The following MPRIP variants were observed in gnomAD, a reference collection of about 807,000 sequenced individuals.
The protein encoded by MPRIP is myosin phosphatase Rho interacting protein, also known as myosin phosphatase Rho-interacting protein.
MPRIP carries 59 observed loss-of-function variants against 234.9 expected under a neutral mutation model. That is an observed-to-expected ratio of 0.25 (90% CI 0.20 to 0.31). The LOEUF is 0.31. Ranked by LOEUF, MPRIP falls within the 10% of genes least tolerant of loss-of-function variation. The probability of loss-of-function intolerance (pLI) is 1.00; values close to 1 mark genes in which losing one functional copy is unlikely to be tolerated. For synonymous variants in MPRIP, 1,144 were observed against 1,263.9 expected (o/e 0.91, Z 2.01); for missense variants, 2,436 against 3,071.0 (o/e 0.79, Z 4.89).
chr17:17,176,695 G>A (rs2046262323), intron 21 of MPRIP, among the ~76,000 whole-genome samples, 183 bp downstream of exon 21: 1 of 152,240 alleles, frequency 6.6e-6, no homozygotes, highest in South Asian at 2.1e-4. Context: ...CTGTGGGAAC[G>A]TGGACATGAG....
At chr17:17,151,683 C>T (rs1032097106) in intron 12 of MPRIP, among the ~76,000 whole-genome samples, 2 of 152,166 alleles carry the variant, frequency 1.3e-5, no homozygotes, top group African/African-American at 4.8e-5. Flanking sequence ...AGGTGGGGTC[C>T]CAGGGTACCA....
chr17:17,116,680 A>G (rs1597831598), intron 3 of MPRIP, among the ~76,000 whole-genome samples: 1 of 152,146 alleles, frequency 6.6e-6, no homozygotes, highest in Non-Finnish European at 1.5e-5. Context: ...GCCAGTCCCC[A>G]GTCTGTATTG....
intron 1 of MPRIP, among the ~76,000 whole-genome samples, chr17:17,053,195 A>G (rs2088594013): frequency 6.6e-6 from 1 of 152,046 alleles, no homozygotes; most frequent in African/African-American, 2.4e-5. Context: ...TTTTCATTTC[A>G]GTGCGCCCAG....
In MPRIP at chr17:17,185,392, G is replaced by A; in HGVS notation, c.*498G>A. The A allele has an allele frequency of 2.4e-6, 1 of 412,124 alleles. No homozygotes were observed. Among genetic ancestry groups the A allele is most frequent in the Non-Finnish European group, 4.9e-6 (1 of 204,554 alleles). 25.5% of individuals were successfully genotyped at this position (412,124 alleles called of 1,614,324 possible). On this transcript the variant is annotated 3_prime_UTR_variant, in exon 24 of 24. Transcript: ENST00000651222. ...CCCGCTAGTCTGGCTGTTAAGAGGA[G>A]AAAGTGCACTGCCTTCCAGCCCAGG...
At position 17,164,937 on chromosome 17, in the gene MPRIP, G is replaced by T. The variant is rs1477742260; in HGVS notation, c.3346G>T (p.Glu1116Ter). The T allele has an allele frequency of 7.7e-7, 1 of 1,303,714 alleles. No individual in the cohort carries two copies. The highest frequency in any genetic ancestry group is 5.5e-5 in the East Asian group (1 of 18,026). The allele number at this position is 1,303,714 out of a possible 1,614,324, so 80.8% of individuals were successfully genotyped here. ...ERDLLRQRFQ[E>*]LTERVATSDE... ...GGACCTCCTCAGACAGCGGTTCCAG[G>T]AGCTGACAGAGCGCGTGGCCACGTC... is the stretch of plus-strand genomic sequence containing the variant. The change falls in exon 16 of 24, where the codon GAG becomes TAG. Residue 1116 changes from glutamate to a stop codon, truncating the protein, a stop_gained. Transcript: ENST00000651222. LOFTEE classifies it high-confidence loss of function.
At chr17:17,153,913 A>T (rs2045666360) in intron 12 of MPRIP, among the ~76,000 whole-genome samples, 2 of 151,974 alleles carry the variant, frequency 1.3e-5, no homozygotes, top group Non-Finnish European at 2.9e-5. Context: ...GCCCTTCCGG[A>T]TTCCCCACCT....
rs116839714 is a variant in MPRIP, at chr17:17,174,622, G to T, written c.6750+547G>T. 6.1e-3 allele frequency among the ~76,000 whole-genome samples: 924 copies of T among 152,252 alleles called. 9 individuals are homozygous for T. The highest frequency in any genetic ancestry group is 0.021 in the African/African-American group (881 of 41,554). ...GAGGCCAAGACGGGCGGATCACAAG[G>T]TCAGGGATTGAGACCATCCTGGCTA... is the stretch of plus-strand genomic sequence containing the variant. On this transcript the variant is annotated intron_variant, in intron 19 of 23. Coordinates refer to ENST00000651222, the MANE Select transcript of MPRIP (RefSeq NM_001364716.4).
intron 3 of MPRIP, among the ~76,000 whole-genome samples, chr17:17,101,834 C>G (rs962673378): frequency 6.6e-6 from 1 of 152,166 alleles, no homozygotes; most frequent in Non-Finnish European, 1.5e-5. Flanking sequence ...CCTTTCCAGG[C>G]CATGGGCTGC....
Position 17,164,999 on chromosome 17 carries a change from G to T in MPRIP, c.3408G>T (p.Arg1136Ser). 7.7e-7 allele frequency: 1 copy of T among 1,302,092 alleles called. No homozygotes were observed. The allele number at this position is 1,302,092 out of a possible 1,614,324, so 80.7% of individuals were successfully genotyped here. The change falls in exon 16 of 24, where the codon AGG (arginine) becomes AGT (serine). Residue 1136 changes from arginine to serine, a missense_variant. Transcript: ENST00000651222. Reference sequence around the variant, plus strand: ...TGGCTGAGCTCCGGGAAAAGCTGAGGAGAAGAGAGGCTGACAACCAGAGCC... The same window carrying T: ...TGGCTGAGCTCCGGGAAAAGCTGAGTAGAAGAGAGGCTGACAACCAGAGCC... The part of the protein sequence containing the change: ...EDVAELREKL[R>S]RREADNQSLE...
chr17:17,166,815 C>T lies in MPRIP; in HGVS notation c.5224C>T (p.Gln1742Ter). The change falls in exon 16 of 24, where the codon CAG becomes TAG. Residue 1742 changes from glutamine to a stop codon, truncating the protein, a stop_gained. Coordinates refer to ENST00000651222, the MANE Select transcript of MPRIP (RefSeq NM_001364716.4). LOFTEE classifies it high-confidence loss of function. This position sits in a 1 kb window ranked among gnomAD's most constrained non-coding sequence, Gnocchi z 4.4. ...TCCAGCGGGCCATGAAGATGGTGTT[C>T]AGCTGTCCTGGGACCTGAGCCCCTT... is the stretch of plus-strand genomic sequence containing the variant. The part of the protein sequence containing the change: ...RLPAGHEDGV[Q>*]LSWDLSPLGE... 1 of 1,304,200 alleles carries T rather than the reference C, an allele frequency of 7.7e-7. No homozygotes were observed. Among genetic ancestry groups the T allele is most frequent in the Non-Finnish European group, 1.0e-6 (1 of 988,952 alleles). 80.8% of individuals were successfully genotyped at this position (1,304,200 alleles called of 1,614,324 possible). A position where few individuals can be genotyped will look rare whatever the true frequency, so the allele number is the denominator to read the frequency against.
In MPRIP at chr17:17,171,702, CTTTTGCA is replaced by C; in HGVS notation, c.6325-8_6325-2del. 1 of 1,605,994 alleles carries C rather than the reference CTTTTGCA, an allele frequency of 6.2e-7. No homozygotes were observed. The highest frequency in any genetic ancestry group is 8.5e-7 in the Non-Finnish European group (1 of 1,178,470). ...GTAAAGAAAGAAGTCGATGAAGTCC[CTTTTGCA>C]TTTTGCAGGCCACGTGCGAGCGAGG... On this transcript the variant is annotated splice_polypyrimidine_tract_variant and intron_variant, in intron 16 of 23. Transcript: ENST00000651222.
At chr17:17,149,702 T>C (rs2045554984) in intron 11 of MPRIP, 1 of 145,850 alleles carries the variant, frequency 6.9e-6, no homozygotes, top group African/African-American at 2.5e-5. Flanking sequence ...TATATTAATA[T>C]ATATTTTCAT....
Position 17,166,843 on chromosome 17 carries a change from G to T in MPRIP, c.5252G>T (p.Gly1751Val). ...CTGTCCTGGGACCTGAGCCCCTTAG[G>T]AGAAGTCCTGGGCCGAGACTCAGAC... ...VQLSWDLSPL[G>V]EVLGRDSDSS... is the part of the protein sequence containing the mutation. Residue 1751 changes from glycine to valine, a missense_variant, in exon 16 of 24, where the codon GGA becomes GTA. Transcript: ENST00000651222. The surrounding 1 kb of genome is among the most constrained non-coding windows in gnomAD (Gnocchi z 4.4). The T allele has an allele frequency of 7.7e-7, 1 of 1,304,154 alleles. No individual in the cohort carries two copies. The highest frequency in any genetic ancestry group is 1.0e-6 in the Non-Finnish European group (1 of 988,944). The allele number at this position is 1,304,154 out of a possible 1,614,324, so 80.8% of individuals were successfully genotyped here. A position where few individuals can be genotyped will look rare whatever the true frequency, so the allele number is the denominator to read the frequency against.
chr17:17,155,660 T>A (rs985838008), intron 13 of MPRIP, among the ~76,000 whole-genome samples: 1 of 152,270 alleles, frequency 6.6e-6, no homozygotes, highest in Admixed American at 6.5e-5. Flanking sequence ...TCTGTGTCTG[T>A]CATTTGTTCA....
intron 3 of MPRIP, among the ~76,000 whole-genome samples, chr17:17,092,519 G>A (rs1205658244): frequency 6.6e-6 from 1 of 152,168 alleles, no homozygotes; most frequent in Non-Finnish European, 1.5e-5. Flanking sequence ...AGAGGCCAGA[G>A]CCCAGTTGGT....
At chr17:17,140,894 G>A (rs949573692) in intron 7 of MPRIP, among the ~76,000 whole-genome samples, 1 of 152,120 alleles carries the variant, frequency 6.6e-6, no homozygotes. Flanking sequence ...GAGCTGCAGG[G>A]TGCAGGCCCC....
chr17:17,175,897 G>A (rs1597514791), intron 20 of MPRIP, among the ~76,000 whole-genome samples: 2 of 152,228 alleles, frequency 1.3e-5, no homozygotes, highest in South Asian at 4.1e-4. Context: ...ACCCAGCTGG[G>A]CTGGTTCTGG....
At chr17:17,051,528 C>G (rs142730827) in intron 1 of MPRIP, among the ~76,000 whole-genome samples, 44 of 152,312 alleles carry the variant, frequency 2.9e-4, no homozygotes, top group African/African-American at 1.0e-3. Context: ...GCTTGGCCTC[C>G]CATCCTGGGG....
At chr17:17,075,221 C>T (rs995162158) in intron 1 of MPRIP, among the ~76,000 whole-genome samples, 6 of 152,190 alleles carry the variant, frequency 3.9e-5, no homozygotes, top group Admixed American at 6.5e-5. Context: ...AGTTTCTGCA[C>T]GCAGTCACAC....
Sources: gnomAD v4.1 joint callset for allele counts (sites outside exome capture counted in the v4.1 genomes callset) on GRCh38, gnomAD v4.1.1 for gene constraint, Gnocchi (gnomAD v3.1) non-coding constraint, MANE v1.5 for transcripts, NCBI Gene and HGNC (gene_info 2026-07-23, HGNC 2026-07-21) for gene names.